TRIM36: variants seen among roughly 807,000 people sequenced by gnomAD.
The protein encoded by TRIM36 is tripartite motif containing 36.
Under a neutral mutation model 72.4 loss-of-function variants are expected in TRIM36, and 42 were observed. The ratio of observed to expected loss-of-function variants is 0.58; its 90% CI spans 0.45 to 0.75. The LOEUF (loss-of-function observed/expected upper bound fraction) is 0.75. Ranked by LOEUF, TRIM36 falls within the 30% of genes least tolerant of loss-of-function variation. The pLI is 0.00. For synonymous variants in TRIM36, 315 were observed against 282.8 expected, an observed-to-expected ratio of 1.11 and a Z score of -1.14; for missense variants, 913 against 857.1, an observed-to-expected ratio of 1.07 and a Z score of -0.81.
chr5:115,161,013 T>G (rs1387904343), intron 2 of TRIM36, among the ~76,000 whole-genome samples: 1 of 152,200 alleles, frequency 6.6e-6, no homozygotes, highest in African/African-American at 2.4e-5. Context: ...TTAAAACTGG[T>G]GAAGGACAAT....
At chr5:115,148,399 C>T (rs916420064) in intron 2 of TRIM36, 11 of 886,340 alleles carry the variant, frequency 1.2e-5, no homozygotes, top group Middle Eastern at 5.6e-4. Flanking sequence ...CACATTCCCT[C>T]ATTTGTAAAT....
At chr5:115,136,554 C>T (rs1752973350) in intron 7 of TRIM36, among the ~76,000 whole-genome samples, 1 of 152,060 alleles carries the variant, frequency 6.6e-6, no homozygotes, top group Admixed American at 6.5e-5. Context: ...CCAAGAAACT[C>T]ACATACACTT....
intron 2 of TRIM36, among the ~76,000 whole-genome samples, chr5:115,150,707 A>C (rs1753843123): frequency 6.6e-6 from 1 of 152,206 alleles, no homozygotes; most frequent in Non-Finnish European, 1.5e-5. Context: ...CACGCTAAAT[A>C]CTGCGAGGGC....
At chr5:115,139,916 G>T (rs1753185194) in intron 5 of TRIM36, among the ~76,000 whole-genome samples, 2 of 152,120 alleles carry the variant, frequency 1.3e-5, no homozygotes, top group Non-Finnish European at 2.9e-5. Flanking sequence ...CTTCATTTCA[G>T]AAGTGAAGAG....
upstream of TRIM36, among the ~76,000 whole-genome samples, chr5:115,172,533 C>T (rs537477787): frequency 2.0e-5 from 3 of 152,140 alleles, no homozygotes; most frequent in South Asian, 6.2e-4. Context: ...GTCGGGAATT[C>T]GAGACCAGCC....
At chr5:115,155,161 C>T (rs189304040) in intron 2 of TRIM36, among the ~76,000 whole-genome samples, 1 of 152,176 alleles carries the variant, frequency 6.6e-6, no homozygotes, top group East Asian at 1.9e-4. Context: ...TGCACTTCAG[C>T]CTGGGCAACA....
intron 5 of TRIM36, among the ~76,000 whole-genome samples, chr5:115,139,324 T>C (rs2112808723): frequency 6.6e-6 from 1 of 152,104 alleles, no homozygotes; most frequent in Admixed American, 6.5e-5. Flanking sequence ...GGTTTTACCA[T>C]GTTGGCCAGG....
At chr5:115,150,700 G>A (rs956200668) in intron 2 of TRIM36, among the ~76,000 whole-genome samples, 4 of 152,162 alleles carry the variant, frequency 2.6e-5, no homozygotes, top group Non-Finnish European at 5.9e-5. Context: ...TGGGAGACAC[G>A]CTAAATACTG....
intron 2 of TRIM36, 121 bp downstream of exon 2, chr5:115,163,397 T>G: frequency 1.2e-6 from 1 of 812,578 alleles, no homozygotes; most frequent in Non-Finnish European, 1.9e-6. Context: ...CAGTTTTAAT[T>G]TATTCACCTG....
At chr5:115,159,533 A>C in intron 2 of TRIM36, 1 of 381,204 alleles carries the variant, frequency 2.6e-6, no homozygotes, top group Non-Finnish European at 5.1e-6. Flanking sequence ...CTCTCTACAC[A>C]ATTTTGAAGA....
intron 8 of TRIM36, among the ~76,000 whole-genome samples, chr5:115,132,168 C>G (rs1752718732): frequency 7.4e-6 from 1 of 135,050 alleles, no homozygotes; most frequent in Admixed American, 7.7e-5. Context: ...GAGACCCCAT[C>G]TCTCTCTCTC....
intron 5 of TRIM36, among the ~76,000 whole-genome samples, chr5:115,138,237 C>G (rs1213779067): frequency 1.3e-5 from 2 of 152,058 alleles, no homozygotes. Flanking sequence ...GTAGCTGGGA[C>G]TACAGGCACA....
intron 2 of TRIM36, among the ~76,000 whole-genome samples, chr5:115,158,852 A>T (rs1754326832): frequency 6.6e-6 from 1 of 152,228 alleles, no homozygotes; most frequent in African/African-American, 2.4e-5. Flanking sequence ...TGTAAGAAAA[A>T]GAATTACACG....
At chr5:115,159,583 T>C (rs911654596) in intron 2 of TRIM36, 32 of 434,176 alleles carry the variant, frequency 7.4e-5, no homozygotes, top group African/African-American at 5.3e-4. Flanking sequence ...CAAGATTATT[T>C]AATTTAAATC....
intron 7 of TRIM36, among the ~76,000 whole-genome samples, chr5:115,134,652 C>T (rs1355429994): frequency 3.3e-5 from 5 of 151,914 alleles, no homozygotes; most frequent in African/African-American, 7.3e-5. Flanking sequence ...GTGATTCTCC[C>T]GCCTCAGCCT....
chr5:115,144,881 G>T, intron 3 of TRIM36, 137 bp from the exon 4 acceptor site: 3 of 896,556 alleles, frequency 3.3e-6, no homozygotes, highest in Non-Finnish European at 3.3e-6. Flanking sequence ...AAAGAAAAAT[G>T]GTTGATACAT....
At chr5:115,177,979 A>G (rs1408227989) in intron 1 of TRIM36, 3 of 1,162,288 alleles carry the variant, frequency 2.6e-6, no homozygotes, top group Non-Finnish European at 3.7e-6. Context: ...TGATGAACCC[A>G]TTGGTATTCT....
At chr5:115,163,782 C>T (rs754839450) in intron 1 of TRIM36, 30 bp from the exon 2 acceptor site, 8 of 1,553,370 alleles carry the variant, frequency 5.2e-6, no homozygotes, top group Admixed American at 1.7e-5. Flanking sequence ...AAGTTAAAGG[C>T]TCTTAGTGGG....
At chr5:115,169,959 GA>G (rs1755020038), upstream of TRIM36, 8 of 1,211,540 alleles carry the variant, frequency 6.6e-6, no homozygotes, top group South Asian at 8.4e-5. Flanking sequence ...GCGGGGCGTG[GA>G]CAGGGCGTGG....
Sources: allele counts gnomAD v4.1 joint callset (sites outside exome capture counted in the v4.1 genomes callset), GRCh38; gene constraint gnomAD v4.1.1; transcripts MANE v1.5; gene names NCBI Gene and HGNC (gene_info 2026-07-23, HGNC 2026-07-21).